The following UVRAG variants were observed in gnomAD, a reference collection of about 807,000 sequenced individuals.
UVRAG encodes UV radiation resistance-associated gene protein.
UVRAG carries 19 observed loss-of-function variants against 78.0 expected under a neutral mutation model. That is an observed-to-expected ratio of 0.24 (90% CI 0.17 to 0.36). The LOEUF is 0.36. Ranked by LOEUF, UVRAG falls within the 10% of genes least tolerant of loss-of-function variation. The probability of loss-of-function intolerance (pLI) is 1.00; values close to 1 mark genes in which losing one functional copy is unlikely to be tolerated. For missense variants in UVRAG, 740 were observed against 853.8 expected, an observed-to-expected ratio of 0.87 and a Z score of 1.66; for synonymous variants, 323 against 324.6, an observed-to-expected ratio of 1.00 and a Z score of 0.05.
intron 14 of UVRAG, among the ~76,000 whole-genome samples, chr11:76,122,921 C>T (rs1220882891): frequency 6.6e-6 from 1 of 152,148 alleles, no homozygotes; most frequent in African/African-American, 2.4e-5. Context: ...CTTAAGCTTG[C>T]AAGAACCTTG....
At chr11:75,895,333 T>C (rs1947317376) in intron 5 of UVRAG, among the ~76,000 whole-genome samples, 1 of 152,136 alleles carries the variant, frequency 6.6e-6, no homozygotes, top group African/African-American at 2.4e-5. Context: ...AAATTACTTA[T>C]CTGTTCATAA....
At chr11:75,839,981 C>T (rs1244329015) in intron 1 of UVRAG, among the ~76,000 whole-genome samples, 1 of 152,062 alleles carries the variant, frequency 6.6e-6, no homozygotes, top group Non-Finnish European at 1.5e-5. Flanking sequence ...ATATGCCTAC[C>T]TCCTTGTCCT....
chr11:75,863,508 A>G (rs759539898), intron 3 of UVRAG, among the ~76,000 whole-genome samples: 2 of 152,166 alleles, frequency 1.3e-5, no homozygotes, highest in African/African-American at 2.4e-5. Context: ...AATAGACCCT[A>G]TGTCATAATG....
At chr11:75,946,450 A>G (rs752098486) in intron 6 of UVRAG, among the ~76,000 whole-genome samples, 2 of 152,176 alleles carry the variant, frequency 1.3e-5, no homozygotes, top group African/African-American at 4.8e-5. Context: ...ATAAATTACC[A>G]CAAATTTAGT....
chr11:75,876,308 CAT>C (rs1227121061), intron 3 of UVRAG, among the ~76,000 whole-genome samples: 2 of 152,216 alleles, frequency 1.3e-5, no homozygotes, highest in African/African-American at 2.4e-5. Context: ...TATTTACCCA[CAT>C]GTTTACAATT....
chr11:76,076,748 ATCT>A (rs1302092805), intron 13 of UVRAG, among the ~76,000 whole-genome samples: 1 of 152,096 alleles, frequency 6.6e-6, no homozygotes, highest in Admixed American at 6.5e-5. Flanking sequence ...CCATTTGTAT[ATCT>A]TCTTTGGAGA....
chr11:75,823,274 A>G (rs959080025), intron 1 of UVRAG, among the ~76,000 whole-genome samples: 1 of 152,140 alleles, frequency 6.6e-6, no homozygotes, highest in Non-Finnish European at 1.5e-5. Flanking sequence ...CCTTCCCTCT[A>G]TACTGTAGTC....
chr11:75,850,181 AGCCTTTG>A (rs1432911895), intron 1 of UVRAG, among the ~76,000 whole-genome samples: 2 of 152,216 alleles, frequency 1.3e-5, no homozygotes, highest in Non-Finnish European at 2.9e-5. Flanking sequence ...CAAAGGGTGT[AGCCTTTG>A]GTCCTTTTGT....
At chr11:75,835,504 C>T (rs11236554) in intron 1 of UVRAG, among the ~76,000 whole-genome samples, 18,015 of 152,150 alleles carry the variant, frequency 0.12, 1,206 homozygotes, top group East Asian at 0.23. Context: ...GAGCCTGTTT[C>T]CCCTTCCATA....
At chr11:75,941,568 C>T (rs1948485187) in intron 6 of UVRAG, among the ~76,000 whole-genome samples, 1 of 151,960 alleles carries the variant, frequency 6.6e-6, no homozygotes, top group African/African-American at 2.4e-5. Context: ...AATGTTGATC[C>T]ACTTGTTTAT....
intron 6 of UVRAG, among the ~76,000 whole-genome samples, chr11:75,915,956 G>A (rs1169110255): frequency 6.6e-6 from 1 of 152,116 alleles, no homozygotes; most frequent in East Asian, 1.9e-4. Context: ...TTCTTAATGT[G>A]TCTAATCATA....
At chr11:76,111,741 G>A (rs1006144312) in intron 13 of UVRAG, among the ~76,000 whole-genome samples, 5 of 152,014 alleles carry the variant, frequency 3.3e-5, no homozygotes, top group African/African-American at 1.2e-4. Flanking sequence ...TGGGAAGGCT[G>A]GATTTCCATC....
intron 12 of UVRAG, among the ~76,000 whole-genome samples, chr11:76,043,331 A>G (rs1375126913): frequency 6.6e-6 from 1 of 152,220 alleles, no homozygotes; most frequent in Non-Finnish European, 1.5e-5. Flanking sequence ...CAACTGGGAA[A>G]TAATATTTCT....
At chr11:75,861,687 T>C in intron 2 of UVRAG, 59 bp from the exon 3 acceptor site, 3 of 1,255,742 alleles carry the variant, frequency 2.4e-6, no homozygotes, top group Non-Finnish European at 3.4e-6. Context: ...GGATTAACAG[T>C]TGGTTAATGG....
At chr11:76,047,780 A>G (rs1195269924) in intron 12 of UVRAG, among the ~76,000 whole-genome samples, 1 of 152,184 alleles carries the variant, frequency 6.6e-6, no homozygotes, top group Non-Finnish European at 1.5e-5. Flanking sequence ...ATTGTTTCAC[A>G]ACTATAAAAT....
intron 13 of UVRAG, among the ~76,000 whole-genome samples, chr11:76,076,603 A>G (rs1182431171): frequency 6.6e-6 from 1 of 152,050 alleles, no homozygotes. Context: ...TCAGGTTCCA[A>G]TTGCTCTGTA....
chr11:75,875,470 G>GTT (rs111600154), intron 3 of UVRAG, among the ~76,000 whole-genome samples: 75 of 137,314 alleles, frequency 5.5e-4, no homozygotes, highest in African/African-American at 1.7e-3. Flanking sequence ...CTGTGAATTA[G>GTT]TTTTTTTTTT....
At chr11:76,011,648 C>T (rs2135355689) in intron 11 of UVRAG, among the ~76,000 whole-genome samples, 1 of 152,104 alleles carries the variant, frequency 6.6e-6, no homozygotes, top group Middle Eastern at 3.4e-3. Flanking sequence ...CAAATAAAAT[C>T]TTATGTTAAT....
intron 6 of UVRAG, among the ~76,000 whole-genome samples, chr11:75,948,433 A>G (rs1948623017): frequency 6.6e-6 from 1 of 152,176 alleles, no homozygotes; most frequent in Non-Finnish European, 1.5e-5. Flanking sequence ...AAGAAGAATC[A>G]ATAGGTTTAG....
Sources: gnomAD v4.1 joint callset for allele counts (sites outside exome capture counted in the v4.1 genomes callset) on GRCh38, gnomAD v4.1.1 for gene constraint, MANE v1.5 for transcripts, NCBI Gene and HGNC (gene_info 2026-07-23, HGNC 2026-07-21) for gene names.